The following MYH10 variants were observed in gnomAD, a reference collection of about 807,000 sequenced individuals.
MYH10 encodes myosin-10.
In MYH10, 55 loss-of-function variants were observed where a neutral mutation model predicts 257.8. The observed-to-expected ratio is 0.21, with a 90% CI of 0.17 to 0.27. MYH10 has a LOEUF of 0.27. Ranked by LOEUF, MYH10 falls within the 10% of genes least tolerant of loss-of-function variation. The pLI is 1.00. For missense variants in MYH10, 1,631 were observed against 2,500.6 expected, an observed-to-expected ratio of 0.65 and a Z score of 7.42; for synonymous variants, 854 against 921.7, an observed-to-expected ratio of 0.93 and a Z score of 1.33.
At chr17:8,496,676 T>C (rs1200465391) in intron 30 of MYH10, among the ~76,000 whole-genome samples, 1 of 152,214 alleles carries the variant, frequency 6.6e-6, no homozygotes, top group Non-Finnish European at 1.5e-5. Flanking sequence ...TTCCAGATTG[T>C]GTGTGAGAGC....
chr17:8,497,522 G>C (rs1387758411), intron 30 of MYH10, among the ~76,000 whole-genome samples: 1 of 151,872 alleles, frequency 6.6e-6, no homozygotes, highest in African/African-American at 2.4e-5. Flanking sequence ...GGCAGATCAC[G>C]AGGTCAGGAG....
At position 8,480,217 on chromosome 17, in the gene MYH10, G is replaced by A; in HGVS notation, c.5490C>T (p.Ala1830=). 6.2e-7 allele frequency: 1 copy of A among 1,614,102 alleles called. No individual in the cohort carries two copies. Among genetic ancestry groups the A allele is most frequent in the Non-Finnish European group, 8.5e-7 (1 of 1,180,034 alleles). ...QLERQNKELK[A]KLQELEGAVK... is the part of the protein sequence containing the mutation. The stretch of plus-strand genomic sequence containing the variant: ...CAGCACCCTCGAGTTCCTGCAGCTT[G>A]GCCTTCAGCTCCTTGTTCTGCCGCT... The change falls in exon 40 of 43, where the codon GCC becomes GCT. Residue 1830 remains alanine (A), a synonymous_variant. Coordinates refer to ENST00000360416, the MANE Select transcript of MYH10 (RefSeq NM_001256012.3).
At chr17:8,502,270 A>G (rs2080919006) in intron 28 of MYH10, among the ~76,000 whole-genome samples, 1 of 152,126 alleles carries the variant, frequency 6.6e-6, no homozygotes, top group African/African-American at 2.4e-5. Flanking sequence ...GGTGGCTGCC[A>G]GCTCCATGGT....
Position 8,569,858 on chromosome 17 carries a change from T to C in MYH10, c.664-46A>G, listed in dbSNP as rs370754013. The C allele has an allele frequency of 2.3e-5, 32 of 1,412,948 alleles. No individual in the cohort carries two copies. Among genetic ancestry groups the C allele is most frequent in the Non-Finnish European group, 3.0e-5 (31 of 1,023,588 alleles). The allele number at this position is 1,412,948 out of a possible 1,614,324, so 87.5% of individuals were successfully genotyped here. On this transcript the variant is annotated intron_variant, in intron 6 of 42. Transcript: ENST00000360416. The surrounding 1 kb of genome is among the most constrained non-coding windows in gnomAD (Gnocchi z 4.1). ...ACAAATAAAAGCAGATGTACGTTAATCTAATGTCTTTACTCAAGTCATCAG... is the reference window on the plus strand; with the variant it reads ...ACAAATAAAAGCAGATGTACGTTAACCTAATGTCTTTACTCAAGTCATCAG...
chr17:8,612,429 A>G (rs1475760777), intron 2 of MYH10, among the ~76,000 whole-genome samples: 1 of 152,258 alleles, frequency 6.6e-6, no homozygotes, highest in African/African-American at 2.4e-5. Context: ...AGAAGAGTAC[A>G]ATAAGATATT....
At chr17:8,530,392 C>T (rs1483839712) in intron 17 of MYH10, among the ~76,000 whole-genome samples, 1 of 152,100 alleles carries the variant, frequency 6.6e-6, no homozygotes, top group South Asian at 2.1e-4. Context: ...TAGGCAGTAG[C>T]AATTAAATTG....
chr17:8,477,886 G>GC lies in MYH10; in HGVS notation c.5706+451dup. Among the ~76,000 whole-genome samples, 1 of 152,194 alleles carries GC rather than the reference G, an allele frequency of 6.6e-6. No homozygotes were observed. The highest frequency in any genetic ancestry group is 1.5e-5 in the Non-Finnish European group (1 of 68,030). The stretch of plus-strand genomic sequence containing the variant: ...ATTCCCTGTGTACTTAGAAAAGGGG[G>GC]CCTGGATGCAGACGCTGAAGCTCAC... On this transcript the variant is annotated intron_variant, in intron 41 of 42. Transcript: ENST00000360416. This position sits in a 1 kb window ranked among gnomAD's most constrained non-coding sequence, Gnocchi z 4.2.
intron 9 of MYH10, among the ~76,000 whole-genome samples, chr17:8,549,866 T>C (rs982217389): frequency 6.6e-6 from 1 of 150,700 alleles, no homozygotes; most frequent in African/African-American, 2.4e-5. Flanking sequence ...GCCTGACTGG[T>C]TTTGGTGGAG....
At chr17:8,566,896 T>G (rs565403178) in intron 7 of MYH10, among the ~76,000 whole-genome samples, 38 of 152,116 alleles carry the variant, frequency 2.5e-4, no homozygotes, top group Non-Finnish European at 4.0e-4. Context: ...AATGACGGCT[T>G]AGTAGCAATT....
chr17:8,515,962 G>A (rs2081455940), intron 21 of MYH10, among the ~76,000 whole-genome samples: 1 of 152,184 alleles, frequency 6.6e-6, no homozygotes, highest in African/African-American at 2.4e-5. Context: ...CAGGAATGCT[G>A]TACAAATTCA....
rs150035929 is a variant in MYH10, at chr17:8,500,778, G to A, written c.3744+48C>T. On this transcript the variant is annotated intron_variant, in intron 29 of 42. Coordinates refer to ENST00000360416, the MANE Select transcript of MYH10 (RefSeq NM_001256012.3). ...GGGCAGATAGGATGGGAGTGGCTCT[G>A]ACGACAGACTTTCTCCAGGCCACAG... is the stretch of plus-strand genomic sequence containing the variant. The A allele has an allele frequency of 6.2e-5, 98 of 1,593,418 alleles. No individual in the cohort carries two copies. The African/African-American group carries it at 1.2e-3, about 20-fold the overall frequency.
chr17:8,527,406 G>T (rs12449498), intron 17 of MYH10, among the ~76,000 whole-genome samples: 1 of 151,952 alleles, frequency 6.6e-6, no homozygotes, highest in African/African-American at 2.4e-5. Context: ...CTAAGGCGCT[G>T]GGCAGACAGG....
At chr17:8,534,650 G>A (rs2082091783) in intron 16 of MYH10, among the ~76,000 whole-genome samples, 1 of 152,242 alleles carries the variant, frequency 6.6e-6, no homozygotes, top group Non-Finnish European at 1.5e-5. Flanking sequence ...TTACTGAACA[G>A]GTCTGGCCTC....
intron 25 of MYH10, among the ~76,000 whole-genome samples, chr17:8,509,339 T>A (rs1160968606): frequency 6.6e-6 from 1 of 152,180 alleles, no homozygotes; most frequent in Non-Finnish European, 1.5e-5. Context: ...GTCCATACAC[T>A]CTATGATGTT....
chr17:8,517,743 A>G (rs1216179033), intron 21 of MYH10, among the ~76,000 whole-genome samples: 1 of 152,118 alleles, frequency 6.6e-6, no homozygotes, highest in East Asian at 1.9e-4. Flanking sequence ...CCTTGACAGT[A>G]TAGATTCCCC....
intron 28 of MYH10, 53 bp from the exon 29 acceptor site, chr17:8,501,023 C>CAGT: frequency 6.5e-7 from 1 of 1,536,112 alleles, no homozygotes; most frequent in Admixed American, 2.1e-5. Context: ...TGATTAAAAA[C>CAGT]ACATTTTCTT....
At chr17:8,485,704 A>C (rs1338068463) in intron 36 of MYH10, among the ~76,000 whole-genome samples, 1 of 152,244 alleles carries the variant, frequency 6.6e-6, no homozygotes, top group Non-Finnish European at 1.5e-5. Flanking sequence ...GATGTGGAGA[A>C]ATTGGAACCC....
At chr17:8,563,135 G>A (rs897671610) in intron 7 of MYH10, among the ~76,000 whole-genome samples, 13 of 152,204 alleles carry the variant, frequency 8.5e-5, no homozygotes, top group Non-Finnish European at 1.9e-4. Flanking sequence ...ATGCATGTGT[G>A]TTAGCTATTT....
chr17:8,541,381 A>G (rs1370603247), intron 14 of MYH10, among the ~76,000 whole-genome samples: 1 of 152,222 alleles, frequency 6.6e-6, no homozygotes, highest in Non-Finnish European at 1.5e-5. Context: ...AGTTTTTCTT[A>G]TATTTTGGCA....
Sources: gnomAD v4.1 joint callset for allele counts (sites outside exome capture counted in the v4.1 genomes callset) on GRCh38, gnomAD v4.1.1 for gene constraint, Gnocchi (gnomAD v3.1) non-coding constraint, MANE v1.5 for transcripts, NCBI Gene and HGNC (gene_info 2026-07-23, HGNC 2026-07-21) for gene names.